Variants in RBM47 observed in about 807,000 individuals in gnomAD.
RBM47 encodes the protein RNA binding motif protein 47.
A neutral mutation model predicts 47.1 loss-of-function variants in RBM47; 21 were observed. That is an observed-to-expected ratio of 0.45 (90% CI 0.32 to 0.64). The LOEUF is 0.64. Among genes scored for constraint, RBM47 ranks in the 30% least tolerant of loss-of-function variants. RBM47 has a pLI of 0.05. For missense variants in RBM47, 708 were observed against 870.9 expected (o/e 0.81, Z 2.35); for synonymous variants, 375 against 361.7 (o/e 1.04, Z -0.42).
At chr4:40,505,611 G>A (rs551599941) in intron 2 of RBM47, among the ~76,000 whole-genome samples, 1 of 151,736 alleles carries the variant, frequency 6.6e-6, no homozygotes, top group South Asian at 2.1e-4. Context: ...ATTTTGGCTG[G>A]ACGCGGTGGC....
rs549145968 is a variant in RBM47, at chr4:40,617,474, G to A, written c.-240+11922C>T. On this transcript the variant is annotated intron_variant, in intron 1 of 6. Transcript: ENST00000295971. ...CTCGGGAGGCTGAGGCAGGAGAATCGCTTGAACCTGGGAGGCAGAGGTTGC... is the reference window on the plus strand; with the variant it reads ...CTCGGGAGGCTGAGGCAGGAGAATCACTTGAACCTGGGAGGCAGAGGTTGC... 1.5e-4 allele frequency among the ~76,000 whole-genome samples: 23 copies of A among 152,022 alleles called. No individual in the cohort carries two copies. The East Asian group carries it at 3.7e-3, about 24-fold the overall frequency.
intron 3 of RBM47, among the ~76,000 whole-genome samples, chr4:40,455,230 G>A (rs1346970625): frequency 1.3e-5 from 2 of 152,160 alleles, no homozygotes; most frequent in Non-Finnish European, 2.9e-5. Flanking sequence ...ATTCTTAAAT[G>A]GAAATGTTGA....
intron 1 of RBM47, among the ~76,000 whole-genome samples, chr4:40,547,692 A>G (rs989259122): frequency 1.3e-5 from 2 of 152,216 alleles, no homozygotes; most frequent in Non-Finnish European, 2.9e-5. Flanking sequence ...TAACTGTGCA[A>G]TTAAACAGTG....
intron 5 of RBM47, among the ~76,000 whole-genome samples, chr4:40,434,257 G>C (rs1286212489): frequency 6.6e-6 from 1 of 151,952 alleles, no homozygotes; most frequent in Non-Finnish European, 1.5e-5. Context: ...TCTTCCACTG[G>C]TCTTGTGCCC....
At chr4:40,481,050 T>C (rs1487906104) in intron 2 of RBM47, among the ~76,000 whole-genome samples, 2 of 152,106 alleles carry the variant, frequency 1.3e-5, no homozygotes, top group African/African-American at 4.8e-5. Flanking sequence ...GCTCAGGAAG[T>C]GTGTGGTTTT....
chr4:40,617,620 T>TTAAATATATTCAGTGTTAAGTA (rs1360687171), intron 1 of RBM47, among the ~76,000 whole-genome samples: 2 of 151,636 alleles, frequency 1.3e-5, no homozygotes, highest in Non-Finnish European at 2.9e-5. Flanking sequence ...GCTAAATATA[T>TTAAATATATTCAGTGTTAAGTA]TAAATATATT....
intron 2 of RBM47, among the ~76,000 whole-genome samples, chr4:40,518,805 T>TAAA (rs61383968): frequency 0.012 from 1,764 of 145,854 alleles, 20 homozygotes; most frequent in African/African-American, 0.029. Flanking sequence ...TTATGAGCTT[T>TAAA]AAAAAAAAAA....
At chr4:40,514,990 A>G (rs1725404884) in intron 2 of RBM47, among the ~76,000 whole-genome samples, 1 of 152,256 alleles carries the variant, frequency 6.6e-6, no homozygotes, top group Admixed American at 6.5e-5. Flanking sequence ...ACGCAGTAGC[A>G]TCTCCACATT....
intron 2 of RBM47, among the ~76,000 whole-genome samples, chr4:40,534,387 G>A (rs552239073): frequency 2.2e-4 from 34 of 152,264 alleles, no homozygotes; most frequent in African/African-American, 7.7e-4. Context: ...TAGCCACCTG[G>A]GTTAAGGGTT....
At chr4:40,474,748 A>G (rs1396252556) in intron 2 of RBM47, among the ~76,000 whole-genome samples, 1 of 152,244 alleles carries the variant, frequency 6.6e-6, no homozygotes, top group African/African-American at 2.4e-5. Context: ...GCAATCAGGG[A>G]AAACCAGTTA....
intron 2 of RBM47, chr4:40,514,681 A>T (rs955641040): frequency 1.3e-5 from 2 of 152,230 alleles, no homozygotes. Context: ...AGGGAACACA[A>T]TATAATGGTC....
intron 3 of RBM47, among the ~76,000 whole-genome samples, chr4:40,450,331 C>T (rs1370551083): frequency 4.6e-5 from 7 of 152,148 alleles, no homozygotes; most frequent in African/African-American, 1.2e-4. Flanking sequence ...AGGTGGCTAA[C>T]GCCTATAATT....
At chr4:40,569,947 A>C (rs547817272) in intron 1 of RBM47, among the ~76,000 whole-genome samples, 40 of 127,674 alleles carry the variant, frequency 3.1e-4, no homozygotes, top group African/African-American at 1.0e-3. Context: ...CCTGTCCTCA[A>C]GTGATCCACC....
At position 40,527,179 on chromosome 4, in the gene RBM47, G is replaced by A. The variant is rs572563393; in HGVS notation, c.-155+17243C>T. On this transcript the variant is annotated intron_variant, in intron 2 of 6. Transcript: ENST00000295971. ...GCCCAGGCAGCCACCCTGCAGTGTC[G>A]TGGTGTGATCTTGGCTCACTGCAAC... is the stretch of plus-strand genomic sequence containing the variant. Among the ~76,000 whole-genome samples the A allele has an allele frequency of 1.2e-4, 19 of 152,210 alleles. No individual in the cohort carries two copies. In the South Asian group the frequency reaches 3.9e-3, roughly 32 times the overall value.
intron 1 of RBM47, among the ~76,000 whole-genome samples, chr4:40,614,842 T>C (rs1223561084): frequency 6.6e-6 from 1 of 151,652 alleles, no homozygotes; most frequent in Non-Finnish European, 1.5e-5. Context: ...CACACACACA[T>C]ACACAAAAGA....
At chr4:40,601,566 T>G (rs1735288933) in intron 1 of RBM47, among the ~76,000 whole-genome samples, 1 of 152,228 alleles carries the variant, frequency 6.6e-6, no homozygotes, top group Non-Finnish European at 1.5e-5. Flanking sequence ...AATTTGTACT[T>G]AAGAGCCTTA....
At chr4:40,448,480 T>C (rs930617868) in intron 3 of RBM47, among the ~76,000 whole-genome samples, 1 of 152,244 alleles carries the variant, frequency 6.6e-6, no homozygotes, top group East Asian at 1.9e-4. Flanking sequence ...GAGATAATTC[T>C]ATCTCTGTGG....
At chr4:40,448,925 G>T (rs777042109) in intron 3 of RBM47, among the ~76,000 whole-genome samples, 1 of 152,140 alleles carries the variant, frequency 6.6e-6, no homozygotes, top group Non-Finnish European at 1.5e-5. Context: ...GGTGAAGGAG[G>T]GGGTGGGGTA....
intron 2 of RBM47, among the ~76,000 whole-genome samples, chr4:40,493,004 C>T (rs1169820499): frequency 1.3e-5 from 2 of 152,142 alleles, no homozygotes; most frequent in African/African-American, 4.8e-5. Flanking sequence ...CTAAACAAAG[C>T]AAACATTAAG....
Sources: gnomAD v4.1 joint callset for allele counts (sites outside exome capture counted in the v4.1 genomes callset) on GRCh38, gnomAD v4.1.1 for gene constraint, MANE v1.5 for transcripts, NCBI Gene and HGNC (gene_info 2026-07-23, HGNC 2026-07-21) for gene names.